The following DOCK8 variants were observed in gnomAD, a reference collection of about 807,000 sequenced individuals.
DOCK8 encodes the protein dedicator of cytokinesis protein 8.
A neutral mutation model predicts 245.6 loss-of-function variants in DOCK8; 141 were observed. That is an observed-to-expected ratio of 0.57 (90% CI 0.50 to 0.66). DOCK8 has a LOEUF of 0.66. Among genes scored for constraint, DOCK8 ranks in the 30% least tolerant of loss-of-function variants. The pLI is 0.00. For missense variants in DOCK8, 2,965 were observed against 2,603.4 expected, an observed-to-expected ratio of 1.14 and a Z score of -3.02; for synonymous variants, 1,168 against 970.2, an observed-to-expected ratio of 1.20 and a Z score of -3.79.
At chr9:383,103 A>G (rs1315873961) in intron 22 of DOCK8, among the ~76,000 whole-genome samples, 1 of 152,202 alleles carries the variant, frequency 6.6e-6, no homozygotes, top group Non-Finnish European at 1.5e-5. Flanking sequence ...ATCTCACAAA[A>G]AAGTCCAAAG....
chr9:240,712 A>G (rs1178506938), intron 1 of DOCK8, among the ~76,000 whole-genome samples: 4 of 152,120 alleles, frequency 2.6e-5, no homozygotes, highest in Non-Finnish European at 5.9e-5. Flanking sequence ...TTGAGCACTT[A>G]CTTGTGCCAG....
chr9:334,988 C>T (rs2051241898), intron 11 of DOCK8, among the ~76,000 whole-genome samples: 1 of 151,974 alleles, frequency 6.6e-6, no homozygotes, highest in Non-Finnish European at 1.5e-5. Context: ...GAGGCAGAGG[C>T]AGGAGAATCG....
At chr9:454,114 T>C (rs760194633) in intron 46 of DOCK8, among the ~76,000 whole-genome samples, 1 of 152,188 alleles carries the variant, frequency 6.6e-6, no homozygotes, top group Non-Finnish European at 1.5e-5. Flanking sequence ...GGAGCATTTG[T>C]GGGAGGCGTT....
At chr9:326,490 C>T (rs1219737175) in intron 8 of DOCK8, among the ~76,000 whole-genome samples, 1 of 152,190 alleles carries the variant, frequency 6.6e-6, no homozygotes, top group African/African-American at 2.4e-5. Flanking sequence ...CTGGACCTCA[C>T]CCACAGAGTT....
At chr9:267,519 T>A (rs892907211) in intron 1 of DOCK8, among the ~76,000 whole-genome samples, 1 of 152,242 alleles carries the variant, frequency 6.6e-6, no homozygotes, top group Non-Finnish European at 1.5e-5. Flanking sequence ...TGGATTTTTT[T>A]AAAATTATGA....
intron 5 of DOCK8, among the ~76,000 whole-genome samples, chr9:310,049 C>T (rs1321379529): frequency 6.6e-6 from 1 of 152,124 alleles, no homozygotes; most frequent in East Asian, 1.9e-4. Flanking sequence ...AGGTGGATCA[C>T]TTGAGGTCAG....
chr9:430,351 A>T (rs942401184), intron 36 of DOCK8, among the ~76,000 whole-genome samples: 5 of 151,832 alleles, frequency 3.3e-5, no homozygotes, highest in African/African-American at 1.2e-4. Context: ...TCCAGCCTGG[A>T]CAACAGAGTG....
chr9:328,274 C>T, intron 9 of DOCK8, 103 bp downstream of exon 9: 1 of 1,385,050 alleles, frequency 7.2e-7, no homozygotes, highest in Non-Finnish European at 1.0e-6. Context: ...GTCCACATAT[C>T]CTCTGAGATT....
intron 1 of DOCK8, among the ~76,000 whole-genome samples, chr9:247,355 C>G (rs1331730599): frequency 6.6e-6 from 1 of 152,060 alleles, no homozygotes; most frequent in Non-Finnish European, 1.5e-5. Context: ...AGTTAGTGAG[C>G]TTGTGGAATT....
chr9:261,736 C>G (rs957130303), intron 1 of DOCK8, among the ~76,000 whole-genome samples: 3 of 152,064 alleles, frequency 2.0e-5, no homozygotes, highest in African/African-American at 4.8e-5. Context: ...TTTTCCTCTA[C>G]TTTTGCAGTT....
At chr9:221,640 C>G (rs1262989212) in intron 1 of DOCK8, among the ~76,000 whole-genome samples, 1 of 149,538 alleles carries the variant, frequency 6.7e-6, no homozygotes, top group Non-Finnish European at 1.5e-5. Context: ...GGTGAAACCC[C>G]ATCTCTACTA....
At chr9:260,359 A>G (rs1330865701) in intron 1 of DOCK8, among the ~76,000 whole-genome samples, 2 of 152,230 alleles carry the variant, frequency 1.3e-5, no homozygotes, top group Admixed American at 6.5e-5. Flanking sequence ...AGAGCCCCTC[A>G]ATGCAAATGT....
chr9:368,133 C>T lies in DOCK8; in HGVS notation c.1795C>T (p.Pro599Ser), dbSNP rs1157264680. 1 of 1,612,968 alleles carries T rather than the reference C, an allele frequency of 6.2e-7. No individual in the cohort carries two copies. The highest frequency in any genetic ancestry group is 2.2e-5 in the East Asian group (1 of 44,868). The change falls in exon 15 of 48, where the codon CCG becomes TCG. Residue 599 changes from proline to serine, a missense_variant and splice_region_variant. This residue lies in a region of DOCK8 where 2,825 missense variants were observed against 2,453.5 expected (regional missense o/e 1.15). Transcript: ENST00000432829. ...MCGEDASNAM[P>S]VIFGKSSGPE... ...TGGAGAAGATGCTAGCAATGCGATG[C>T]CGGTAAGGAGGGAAACGAACATTTG...
At chr9:405,358 C>T (rs2055364268) in intron 27 of DOCK8, among the ~76,000 whole-genome samples, 1 of 152,172 alleles carries the variant, frequency 6.6e-6, no homozygotes, top group South Asian at 2.1e-4. Flanking sequence ...AGTCTCAAAT[C>T]TTCCTTTGTC....
intron 9 of DOCK8, among the ~76,000 whole-genome samples, chr9:331,789 A>T (rs1563929686): frequency 6.6e-6 from 1 of 152,252 alleles, no homozygotes; most frequent in African/African-American, 2.4e-5. Context: ...GCAAAGCAAG[A>T]AGCTGCACAT....
intron 36 of DOCK8, among the ~76,000 whole-genome samples, 192 bp downstream of exon 36, chr9:430,046 T>C (rs1489196139): frequency 6.6e-6 from 1 of 152,214 alleles, no homozygotes; most frequent in Admixed American, 6.5e-5. Context: ...ATTCATCAGA[T>C]AAATGCAGTG....
At chr9:426,435 C>T (rs1461336580) in intron 33 of DOCK8, among the ~76,000 whole-genome samples, 1 of 152,182 alleles carries the variant, frequency 6.6e-6, no homozygotes, top group African/African-American at 2.4e-5. Context: ...CTAACCCAGC[C>T]GCATCACTGC....
intron 28 of DOCK8, among the ~76,000 whole-genome samples, chr9:413,140 C>T (rs1166433975): frequency 6.6e-6 from 1 of 151,936 alleles, no homozygotes; most frequent in Non-Finnish European, 1.5e-5. Flanking sequence ...GACAAGAGTG[C>T]CAAAACAATT....
chr9:232,640 G>C (rs1030120985), intron 1 of DOCK8, among the ~76,000 whole-genome samples: 3 of 152,038 alleles, frequency 2.0e-5, no homozygotes, highest in Non-Finnish European at 4.4e-5. Flanking sequence ...TGTATGTGTC[G>C]AGGAATTTAT....
Sources: gnomAD v4.1 joint callset for allele counts (sites outside exome capture counted in the v4.1 genomes callset) on GRCh38, gnomAD v4.1.1 for gene constraint, gnomAD v4.1.1 regional missense constraint, MANE v1.5 for transcripts, NCBI Gene and HGNC (gene_info 2026-07-23, HGNC 2026-07-21) for gene names.